The following SLC30A9 variants were observed in gnomAD, a reference collection of about 807,000 sequenced individuals.
SLC30A9 encodes the protein proton-coupled zinc antiporter SLC30A9, mitochondrial.
In SLC30A9, 58 loss-of-function variants were observed where a neutral mutation model predicts 87.5. The ratio of observed to expected loss-of-function variants is 0.66; its 90% CI spans 0.54 to 0.82. The LOEUF (loss-of-function observed/expected upper bound fraction) is 0.82, where lower values mean the gene tolerates loss of function less well. Among genes scored for constraint, SLC30A9 ranks in the 40% least tolerant of loss-of-function variants. The probability of loss-of-function intolerance (pLI) is 0.00; values close to 1 mark genes in which losing one functional copy is unlikely to be tolerated. For missense variants in SLC30A9, 557 were observed against 679.1 expected, an observed-to-expected ratio of 0.82 and a Z score of 2.00; for synonymous variants, 234 against 233.0, an observed-to-expected ratio of 1.00 and a Z score of -0.04.
intron 2 of SLC30A9, among the ~76,000 whole-genome samples, chr4:42,015,945 A>C (rs1715702490): frequency 6.6e-6 from 1 of 152,190 alleles, no homozygotes; most frequent in African/African-American, 2.4e-5. Context: ...TTAAGAGTGT[A>C]GAGTAATCAA....
intron 15 of SLC30A9, among the ~76,000 whole-genome samples, chr4:42,071,493 T>C (rs1454499177): frequency 1.3e-5 from 2 of 152,070 alleles, no homozygotes; most frequent in African/African-American, 2.4e-5. Flanking sequence ...AACTATCTTA[T>C]TGGAACAAGA....
intron 9 of SLC30A9, among the ~76,000 whole-genome samples, chr4:42,052,352 T>C (rs1013046061): frequency 3.9e-5 from 6 of 152,232 alleles, no homozygotes; most frequent in Admixed American, 3.3e-4. Context: ...TTTACAGATA[T>C]AATGGAGTTC....
chr4:42,003,753 C>CT, intron 2 of SLC30A9, among the ~76,000 whole-genome samples: 1 of 109,774 alleles, frequency 9.1e-6, no homozygotes, highest in Non-Finnish European at 2.1e-5. Context: ...TCTTAAATTC[C>CT]TTTTTTGCCT....
At chr4:42,060,315 A>C (rs1428018275) in intron 10 of SLC30A9, 69 bp downstream of exon 10, 1 of 1,189,190 alleles carries the variant, frequency 8.4e-7, no homozygotes, top group Non-Finnish European at 1.3e-6. Flanking sequence ...TAAATATCAG[A>C]AATCTCCTGC....
rs549367938 is a variant in SLC30A9 at position 42,087,849 on chromosome 4, A to T, written c.*1723A>T. 6.6e-6 allele frequency: 1 copy of T among 151,552 alleles called. No individual in the cohort carries two copies. The highest frequency in any genetic ancestry group is 2.1e-4 in the South Asian group (1 of 4,816). 9.4% of individuals were successfully genotyped at this position (151,552 alleles called of 1,614,324 possible). A position where few individuals can be genotyped will look rare whatever the true frequency, so the allele number is the denominator to read the frequency against. ...ATTTATTACTTCATGTCATTGCCAT[A>T]TGAGAAAGTACCAAATTATATCCAG... On this transcript the variant is annotated 3_prime_UTR_variant, in exon 18 of 18. Transcript: ENST00000264451.
chr4:42,027,972 C>G (rs1716262171), intron 6 of SLC30A9, among the ~76,000 whole-genome samples: 1 of 152,134 alleles, frequency 6.6e-6, no homozygotes, highest in Non-Finnish European at 1.5e-5. Context: ...AAAAGCAAGG[C>G]AAATTATTTT....
At chr4:42,070,458 C>A in intron 14 of SLC30A9, 68 bp from the exon 15 acceptor site, 1 of 1,219,458 alleles carries the variant, frequency 8.2e-7, no homozygotes, top group South Asian at 1.8e-5. Context: ...TGGTTCTTTG[C>A]TCTCTATAAA....
chr4:42,028,642 G>A (rs1488927197), intron 6 of SLC30A9, among the ~76,000 whole-genome samples: 1 of 152,178 alleles, frequency 6.6e-6, no homozygotes, highest in African/African-American at 2.4e-5. Context: ...GAACTTTGTG[G>A]AAAATGCTTA....
Position 42,021,061 on chromosome 4 carries a change from G to A in SLC30A9, c.434+546G>A, listed in dbSNP as rs55943666. Among the ~76,000 whole-genome samples, 1,485 of 152,086 alleles carry A rather than the reference G, an allele frequency of 9.8e-3. 26 individuals are homozygous for A. The highest frequency in any genetic ancestry group is 0.034 in the African/African-American group (1,422 of 41,496). ...AAACTTTTCTCCCTCCTTTGTGCAC[G>A]AATTAGAGAAATCAGATGATCTATC... On this transcript the variant is annotated intron_variant, in intron 4 of 17. Transcript: ENST00000264451.
chr4:42,029,277 GT>G, intron 6 of SLC30A9: 1 of 478,964 alleles, frequency 2.1e-6, no homozygotes. Flanking sequence ...AGAAGAAGGA[GT>G]TTTTAGGCAG....
intron 9 of SLC30A9, among the ~76,000 whole-genome samples, chr4:42,053,068 C>T (rs1380275023): frequency 6.6e-6 from 1 of 152,148 alleles, no homozygotes; most frequent in Non-Finnish European, 1.5e-5. Context: ...TGGGCAGGTA[C>T]TTCACAAATA....
At chr4:42,076,877 G>A (rs757133143) in intron 16 of SLC30A9, among the ~76,000 whole-genome samples, 3 of 150,146 alleles carry the variant, frequency 2.0e-5, no homozygotes, top group African/African-American at 2.4e-5. Flanking sequence ...CAGTAGAATC[G>A]CTTGAACCTG....
chr4:42,022,862 C>A lies in SLC30A9; in HGVS notation c.459C>A (p.Ile153=). The change falls in exon 5 of 18, where the codon ATC becomes ATA. Residue 153 remains isoleucine, a synonymous_variant. Transcript: ENST00000264451. The part of the protein sequence containing the change: ...KSSDLEQLRK[I]RRRSPHEDTE... ...GTGATCTAGAACAACTTCGAAAAAT[C>A]AGACGACGAAGTCCCCATGAAGATA... is the stretch of plus-strand genomic sequence containing the variant. 6.3e-7 allele frequency: 1 copy of A among 1,599,642 alleles called. No individual in the cohort carries two copies. Among genetic ancestry groups the A allele is most frequent in the Non-Finnish European group, 8.5e-7 (1 of 1,171,588 alleles).
At chr4:42,005,091 A>C (rs769315972) in intron 2 of SLC30A9, among the ~76,000 whole-genome samples, 3 of 152,208 alleles carry the variant, frequency 2.0e-5, no homozygotes, top group Non-Finnish European at 4.4e-5. Flanking sequence ...AAATTCTGCT[A>C]TATGAAATCT....
intron 2 of SLC30A9, among the ~76,000 whole-genome samples, chr4:42,005,167 G>T (rs1383574652): frequency 1.3e-5 from 2 of 152,086 alleles, no homozygotes; most frequent in Non-Finnish European, 2.9e-5. Context: ...TCGTACCTGT[G>T]TTTTATAACT....
At chr4:42,056,735 A>G (rs1185856437) in intron 9 of SLC30A9, among the ~76,000 whole-genome samples, 1 of 152,220 alleles carries the variant, frequency 6.6e-6, no homozygotes, top group Admixed American at 6.5e-5. Context: ...CCAAGGTGTC[A>G]TCTAAGACAA....
Position 42,075,747 on chromosome 4 carries a change from A to C in SLC30A9, c.1509A>C (p.Arg503Ser). Residue 503 changes from arginine to serine, a missense_variant, in exon 16 of 18, where the codon AGA becomes AGC. Arg to Ser is a moderately radical substitution (Grantham distance 110). Coordinates refer to ENST00000264451, the MANE Select transcript of SLC30A9 (RefSeq NM_006345.4). ...ATTTTGATGGGCGAGTTGTTACAAG[A>C]TCATATTTGGAAAAACAAGATTTTG... ...EVDFDGRVVT[R>S]SYLEKQDFDQ... The C allele has an allele frequency of 6.2e-7, 1 of 1,612,394 alleles. No individual in the cohort carries two copies. The highest frequency in any genetic ancestry group is 8.5e-7 in the Non-Finnish European group (1 of 1,178,582).
At chr4:42,053,178 A>G (rs1315450277) in intron 9 of SLC30A9, among the ~76,000 whole-genome samples, 1 of 152,220 alleles carries the variant, frequency 6.6e-6, no homozygotes. Flanking sequence ...CTGCATATCC[A>G]CTATAATGGC....
chr4:42,042,255 G>C (rs546206958), intron 8 of SLC30A9, among the ~76,000 whole-genome samples: 8 of 152,286 alleles, frequency 5.3e-5, no homozygotes, highest in African/African-American at 1.9e-4. Flanking sequence ...GGAGCTAAGT[G>C]GTCTAGCTCA....
Sources: allele counts gnomAD v4.1 joint callset (sites outside exome capture counted in the v4.1 genomes callset), GRCh38; gene constraint gnomAD v4.1.1; transcripts MANE v1.5; gene names NCBI Gene and HGNC (gene_info 2026-07-23, HGNC 2026-07-21).